The following ANO3 variants were observed in gnomAD, a reference collection of about 807,000 sequenced individuals.
ANO3 encodes anoctamin-3.
ANO3 carries 99 observed loss-of-function variants against 144.8 expected under a neutral mutation model. The ratio of observed to expected loss-of-function variants is 0.68; its 90% CI spans 0.58 to 0.81. The LOEUF (loss-of-function observed/expected upper bound fraction) is 0.81. ANO3 is among the 30% of genes least tolerant of loss of function. ANO3 has a pLI of 0.00. For missense variants in ANO3, 905 were observed against 1,202.2 expected (o/e 0.75, Z 3.66); for synonymous variants, 414 against 392.6 (o/e 1.05, Z -0.64).
intron 1 of ANO3, among the ~76,000 whole-genome samples, chr11:26,378,960 A>G (rs1268541555): frequency 1.9e-5 from 2 of 106,574 alleles, no homozygotes; most frequent in Non-Finnish European, 3.8e-5. Flanking sequence ...AAAACAAAAA[A>G]CAACTTCTCC....
intron 14 of ANO3, among the ~76,000 whole-genome samples, chr11:26,569,056 T>C (rs902658072): frequency 1.3e-5 from 2 of 152,090 alleles, no homozygotes; most frequent in Non-Finnish European, 2.9e-5. Flanking sequence ...TATAATATTA[T>C]GTGAGAGACA....
intron 1 of ANO3, among the ~76,000 whole-genome samples, chr11:26,439,771 G>A (rs1858446976): frequency 1.3e-5 from 2 of 152,056 alleles, no homozygotes. Flanking sequence ...TTTATACATA[G>A]TTACATATAT....
chr11:26,326,625 G>A (rs1854890692), intron 1 of ANO3, among the ~76,000 whole-genome samples: 1 of 152,110 alleles, frequency 6.6e-6, no homozygotes, highest in Non-Finnish European at 1.5e-5. Flanking sequence ...CACTCAATTA[G>A]TCACCCTAAC....
intron 1 of ANO3, among the ~76,000 whole-genome samples, chr11:26,195,618 G>A (rs1220436923): frequency 6.6e-6 from 1 of 152,128 alleles, no homozygotes; most frequent in Non-Finnish European, 1.5e-5. Flanking sequence ...TCTTTTATAT[G>A]AGAATATGAC....
chr11:26,471,537 C>A (rs1482681293), intron 4 of ANO3, among the ~76,000 whole-genome samples: 1 of 151,876 alleles, frequency 6.6e-6, no homozygotes, highest in Non-Finnish European at 1.5e-5. Context: ...AGTATGGGAA[C>A]TCCCCTTACC....
At chr11:26,448,375 C>T (rs1371460055) in intron 3 of ANO3, among the ~76,000 whole-genome samples, 5 of 151,514 alleles carry the variant, frequency 3.3e-5, no homozygotes, top group African/African-American at 1.2e-4. Context: ...AACCCAAACA[C>T]ACATCTGTCT....
At position 26,314,396 on chromosome 11, in the gene ANO3, A is replaced by G. The variant is rs79555463; in HGVS notation, c.-3+4677A>G. Among the ~76,000 whole-genome samples, 61 of 152,314 alleles carry G rather than the reference A, an allele frequency of 4.0e-4. 1 individual carries two copies. Among genetic ancestry groups the G allele is most frequent in the African/African-American group, 1.4e-3 (57 of 41,568 alleles). On this transcript the variant is annotated intron_variant, in intron 1 of 26. Coordinates refer to the ANO3 transcript ENST00000525139. ...ATAAAGATAGTATTAGGATTGAGAT[A>G]AGTGCTTAGCATACTAAAAATCTCA... is the stretch of plus-strand genomic sequence containing the variant.
intron 5 of ANO3, among the ~76,000 whole-genome samples, chr11:26,515,749 T>A (rs1375783092): frequency 6.6e-6 from 1 of 151,992 alleles, no homozygotes; most frequent in African/African-American, 2.4e-5. Context: ...TGAACAGTGT[T>A]AATCAAATGG....
At chr11:26,457,611 TA>T (rs1859217608) in intron 3 of ANO3, among the ~76,000 whole-genome samples, 1 of 152,122 alleles carries the variant, frequency 6.6e-6, no homozygotes, top group East Asian at 1.9e-4. Flanking sequence ...TATTTTATTC[TA>T]AAGTCTAACG....
chr11:26,465,204 T>C (rs1343732508), intron 4 of ANO3, among the ~76,000 whole-genome samples: 1 of 151,088 alleles, frequency 6.6e-6, no homozygotes, highest in Non-Finnish European at 1.5e-5. Flanking sequence ...TTAGATCTTA[T>C]GACATTGACA....
At chr11:26,514,502 A>T (rs1262728886) in intron 5 of ANO3, among the ~76,000 whole-genome samples, 1 of 152,046 alleles carries the variant, frequency 6.6e-6, no homozygotes, top group Non-Finnish European at 1.5e-5. Context: ...GGGTTAAATA[A>T]TTTTTCTAAG....
intron 1 of ANO3, among the ~76,000 whole-genome samples, chr11:26,278,955 CT>C (rs1427588479): frequency 6.6e-6 from 1 of 152,036 alleles, no homozygotes; most frequent in Non-Finnish European, 1.5e-5. Context: ...ACATCTTTAC[CT>C]TTCTACCTTT....
chr11:26,494,363 T>C (rs1860840950), intron 4 of ANO3, among the ~76,000 whole-genome samples: 1 of 152,156 alleles, frequency 6.6e-6, no homozygotes, highest in East Asian at 1.9e-4. Flanking sequence ...TTTACATATG[T>C]CACCATCTTC....
intron 1 of ANO3, among the ~76,000 whole-genome samples, chr11:26,215,810 T>G (rs1852024944): frequency 1.3e-5 from 2 of 151,968 alleles, no homozygotes; most frequent in Admixed American, 1.3e-4. Context: ...CATTACCAGA[T>G]AGATCACTAC....
At chr11:26,436,123 C>T (rs751581856) in intron 1 of ANO3, among the ~76,000 whole-genome samples, 2 of 152,158 alleles carry the variant, frequency 1.3e-5, no homozygotes, top group South Asian at 2.1e-4. Context: ...TGAGGAGAAG[C>T]GAGGACTGGG....
intron 19 of ANO3, 77 bp from the exon 20 acceptor site, chr11:26,634,936 A>C: frequency 8.4e-7 from 1 of 1,184,352 alleles, no homozygotes; most frequent in Non-Finnish European, 1.3e-6. Context: ...CCACACATGC[A>C]CTCGTTGTGA....
intron 1 of ANO3, among the ~76,000 whole-genome samples, chr11:26,295,662 A>G (rs1854072286): frequency 6.6e-6 from 1 of 152,218 alleles, no homozygotes; most frequent in Non-Finnish European, 1.5e-5. Flanking sequence ...GTATTTCTAG[A>G]AAAGTTCAGA....
chr11:26,644,197 T>C (rs1853266205), intron 23 of ANO3, among the ~76,000 whole-genome samples: 1 of 152,234 alleles, frequency 6.6e-6, no homozygotes, highest in Admixed American at 6.5e-5. Flanking sequence ...GGAACATTAA[T>C]TTAGTTGAGA....
intron 1 of ANO3, among the ~76,000 whole-genome samples, chr11:26,425,667 G>C (rs1857898217): frequency 6.6e-6 from 1 of 152,036 alleles, no homozygotes; most frequent in Non-Finnish European, 1.5e-5. Context: ...TGTATTTGCA[G>C]TATCTTTTTC....
Sources: allele counts gnomAD v4.1 joint callset (sites outside exome capture counted in the v4.1 genomes callset), GRCh38; gene constraint gnomAD v4.1.1; transcripts MANE v1.5; gene names NCBI Gene and HGNC (gene_info 2026-07-23, HGNC 2026-07-21).